The following PDE1C variants were observed in gnomAD, a reference collection of about 807,000 sequenced individuals.
The protein encoded by PDE1C is dual specificity calcium/calmodulin-dependent 3',5'-cyclic nucleotide phosphodiesterase 1C.
Under a neutral mutation model 93.1 loss-of-function variants are expected in PDE1C, and 62 were observed. The observed-to-expected ratio is 0.67, with a 90% confidence interval of 0.54 to 0.82. The LOEUF is 0.82. PDE1C is among the 40% of genes least tolerant of loss of function. The pLI is 0.00. For synonymous variants in PDE1C, 325 were observed against 310.1 expected (o/e 1.05, Z -0.50); for missense variants, 742 against 884.6 (o/e 0.84, Z 2.04).
chr7:32,240,807 G>C (rs1223558264), intron 1 of PDE1C, among the ~76,000 whole-genome samples: 1 of 152,126 alleles, frequency 6.6e-6, no homozygotes, highest in African/African-American at 2.4e-5. Flanking sequence ...AAGAATTGGT[G>C]GGTGGAAGCA....
intron 3 of PDE1C, among the ~76,000 whole-genome samples, chr7:32,096,204 T>C (rs1225471933): frequency 2.6e-5 from 4 of 152,186 alleles, no homozygotes; most frequent in Non-Finnish European, 5.9e-5. Flanking sequence ...GAAGCATTGA[T>C]GTGCTCCCAG....
At chr7:31,731,322 G>C in the PDE1C span, among the ~76,000 whole-genome samples, 1 of 152,030 alleles carries the variant, frequency 6.6e-6, no homozygotes, top group Non-Finnish European at 1.5e-5. Flanking sequence ...AGGAGCCCTA[G>C]CCAATCACTG....
chr7:31,762,909 T>C (rs2128610809), intron 17 of PDE1C, among the ~76,000 whole-genome samples: 1 of 152,252 alleles, frequency 6.6e-6, no homozygotes, highest in Middle Eastern at 3.4e-3. Context: ...ATAAACCATG[T>C]AGTTTTGCTA....
intron 2 of PDE1C, among the ~76,000 whole-genome samples, chr7:31,898,020 T>TTGTGTGTGTGTGTG (rs140101637): frequency 1.4e-5 from 2 of 145,946 alleles, no homozygotes; most frequent in African/African-American, 5.1e-5. Flanking sequence ...TTTGGTTTCT[T>TTGTGTGTGTGTGTG]TGTGTGTGTG....
chr7:32,325,075 A>G (rs1178500279), intron 1 of PDE1C, among the ~76,000 whole-genome samples: 1 of 152,248 alleles, frequency 6.6e-6, no homozygotes, highest in African/African-American at 2.4e-5. Flanking sequence ...TGATTCTAAA[A>G]GAAGTAGAGC....
At chr7:31,837,336 C>T (rs2128765772) in intron 10 of PDE1C, 36 bp from the exon 11 acceptor site, 1 of 1,570,232 alleles carries the variant, frequency 6.4e-7, no homozygotes, top group Middle Eastern at 1.7e-4. Context: ...ATGATAACCA[C>T]ACTCTTCAGA....
chr7:32,128,432 A>G (rs1315711346), intron 3 of PDE1C, among the ~76,000 whole-genome samples: 1 of 152,042 alleles, frequency 6.6e-6, no homozygotes, highest in African/African-American at 2.4e-5. Context: ...TGCAACATGT[A>G]TAACATTTAA....
At chr7:32,271,142 C>T (rs937488031) in intron 1 of PDE1C, among the ~76,000 whole-genome samples, 1 of 151,944 alleles carries the variant, frequency 6.6e-6, no homozygotes, top group African/African-American at 2.4e-5. Flanking sequence ...TATCTCAAAA[C>T]GACAACAACA....
chr7:31,954,387 G>C (rs1013833403), intron 2 of PDE1C, among the ~76,000 whole-genome samples: 48 of 152,228 alleles, frequency 3.2e-4, no homozygotes, highest in African/African-American at 1.1e-3. Flanking sequence ...AGGAACATGA[G>C]AGCAAGAAGT....
At chr7:31,705,273 G>T in the PDE1C span, among the ~76,000 whole-genome samples, 1 of 152,268 alleles carries the variant, frequency 6.6e-6, no homozygotes, top group Admixed American at 6.5e-5. Context: ...CCAGAAAGTT[G>T]ATCTGGATTT....
At chr7:31,687,852 T>G in the PDE1C span, among the ~76,000 whole-genome samples, 1 of 152,204 alleles carries the variant, frequency 6.6e-6, no homozygotes, top group Non-Finnish European at 1.5e-5. Context: ...TTCTACCCTT[T>G]TATTCCATCC....
At chr7:31,700,395 G>A in the PDE1C span, among the ~76,000 whole-genome samples, 4 of 152,186 alleles carry the variant, frequency 2.6e-5, no homozygotes, top group African/African-American at 9.7e-5. Context: ...TGAAGGTTGA[G>A]AGAGGGGAGG....
chr7:32,358,543 T>TGGGGGTGTGGAAAGTGGGGCA, intron 1 of PDE1C, among the ~76,000 whole-genome samples: 1 of 151,826 alleles, frequency 6.6e-6, no homozygotes, highest in East Asian at 1.9e-4. Context: ...AGCGGGCAAG[T>TGGGGGTGTGGAAAGTGGGGCA]GGGGGTGTGG....
At chr7:32,390,394 G>A (rs966211618) in intron 1 of PDE1C, among the ~76,000 whole-genome samples, 3 of 152,112 alleles carry the variant, frequency 2.0e-5, no homozygotes, top group Non-Finnish European at 4.4e-5. Context: ...GTCACAACCT[G>A]GGGGCGCTAC....
intron 3 of PDE1C, among the ~76,000 whole-genome samples, chr7:32,157,625 T>A (rs909269310): frequency 2.0e-5 from 3 of 152,172 alleles, no homozygotes; most frequent in Non-Finnish European, 2.9e-5. Context: ...GATAATAGTG[T>A]AATATCAAGA....
At chr7:32,174,607 G>A (rs568226617) in intron 2 of PDE1C, among the ~76,000 whole-genome samples, 2 of 152,318 alleles carry the variant, frequency 1.3e-5, no homozygotes, top group South Asian at 2.1e-4. Context: ...AAGCCACAGG[G>A]GCAGTGTCCA....
the PDE1C span, among the ~76,000 whole-genome samples, chr7:31,743,404 C>T: frequency 2.0e-5 from 3 of 152,034 alleles, no homozygotes; most frequent in Non-Finnish European, 4.4e-5. Context: ...CTTCAGATGC[C>T]TGAGGCTGCA....
chr7:31,875,025 C>G (rs917827159), intron 5 of PDE1C, among the ~76,000 whole-genome samples: 1 of 152,224 alleles, frequency 6.6e-6, no homozygotes, highest in Non-Finnish European at 1.5e-5. Context: ...TGACCCAGGC[C>G]TCATCCCTTT....
intron 1 of PDE1C, among the ~76,000 whole-genome samples, chr7:32,317,219 G>A (rs1192351565): frequency 1.3e-5 from 2 of 152,176 alleles, no homozygotes; most frequent in Admixed American, 1.3e-4. Flanking sequence ...AAGAGTTGGT[G>A]GACCTCTCTG....
Sources: allele counts gnomAD v4.1 joint callset (sites outside exome capture counted in the v4.1 genomes callset), GRCh38; gene constraint gnomAD v4.1.1; transcripts MANE v1.5; gene names NCBI Gene and HGNC (gene_info 2026-07-23, HGNC 2026-07-21).